DIP2B: variants seen among roughly 807,000 people sequenced by gnomAD.
The protein encoded by DIP2B is disco-interacting protein 2 homolog B.
In DIP2B, 76 loss-of-function variants were observed where a neutral mutation model predicts 198.0. The ratio of observed to expected loss-of-function variants is 0.38; its 90% CI spans 0.32 to 0.46. The LOEUF is 0.46. Among genes scored for constraint, DIP2B ranks in the 20% least tolerant of loss-of-function variants. The pLI, the probability that DIP2B is intolerant of heterozygous loss-of-function variation, is 0.99. For missense variants in DIP2B, 1,559 were observed against 1,978.4 expected (o/e 0.79, Z 4.02); for synonymous variants, 701 against 739.1 (o/e 0.95, Z 0.84).
intron 1 of DIP2B, among the ~76,000 whole-genome samples, chr12:50,531,325 G>A (rs1196489782): frequency 1.3e-5 from 2 of 152,062 alleles, no homozygotes; most frequent in African/African-American, 4.8e-5. Flanking sequence ...TGGGATTATA[G>A]GTGTGAGCCG....
chr12:50,630,762 C>T (rs1051018433), intron 2 of DIP2B, among the ~76,000 whole-genome samples: 8 of 149,942 alleles, frequency 5.3e-5, no homozygotes, highest in Middle Eastern at 3.5e-3. Context: ...ACCTCCGCCT[C>T]CCCAGTTCAA....
intron 23 of DIP2B, among the ~76,000 whole-genome samples, chr12:50,718,450 C>T (rs1027600802): frequency 3.9e-5 from 6 of 152,176 alleles, no homozygotes; most frequent in African/African-American, 1.4e-4. Flanking sequence ...CCTGTCCCTC[C>T]TGTTTTCTTG....
At chr12:50,527,085 GA>G (rs1958173314) in intron 1 of DIP2B, among the ~76,000 whole-genome samples, 1 of 152,250 alleles carries the variant, frequency 6.6e-6, no homozygotes, top group African/African-American at 2.4e-5. Flanking sequence ...GAAAAAAACT[GA>G]ATATTTCACA....
chr12:50,705,678 T>G (rs770311575), intron 20 of DIP2B, among the ~76,000 whole-genome samples: 3 of 152,270 alleles, frequency 2.0e-5, no homozygotes, highest in Non-Finnish European at 4.4e-5. Flanking sequence ...TGTCTCATTC[T>G]CTTACCAACA....
At chr12:50,725,341 C>A (rs1422172493) in intron 28 of DIP2B, among the ~76,000 whole-genome samples, 1 of 152,054 alleles carries the variant, frequency 6.6e-6, no homozygotes, top group Non-Finnish European at 1.5e-5. Flanking sequence ...TACTGCCTAC[C>A]CCTGCCTGAC....
rs752301034 is a variant in DIP2B, at chr12:50,692,956, A to G, written c.1662A>G (p.Thr554=). The change falls in exon 14 of 38, where the codon ACA becomes ACG. Residue 554 remains threonine, a synonymous_variant. Coordinates refer to ENST00000301180, the MANE Select transcript of DIP2B (RefSeq NM_173602.3). ...CTATTTTTTCTATTTTAGGGGAAACAATAGTAAATGTCTTAGACTTTAAGA... is the reference window on the plus strand; with the variant it reads ...CTATTTTTTCTATTTTAGGGGAAACGATAGTAAATGTCTTAGACTTTAAGA... The part of the protein sequence containing the change: ...SQACNYSEGE[T]IVNVLDFKKD... 6.2e-7 allele frequency: 1 copy of G among 1,608,498 alleles called. No homozygotes were observed. The highest frequency in any genetic ancestry group is 8.5e-7 in the Non-Finnish European group (1 of 1,178,694).
At chr12:50,623,425 ACACACACACACACT>A (rs1297912964) in intron 1 of DIP2B, among the ~76,000 whole-genome samples, 730 of 52,806 alleles carry the variant, frequency 0.014, 1 homozygote, top group Non-Finnish European at 0.022. Context: ...ACACACACAC[ACACACACACACACT>A]CTCTCTCTCT....
At chr12:50,647,279 C>T (rs12231309) in intron 3 of DIP2B, among the ~76,000 whole-genome samples, 43,722 of 151,802 alleles carry the variant, frequency 0.29, 6,560 homozygotes, top group East Asian at 0.43. Context: ...TTTTCTCCCC[C>T]CCGCCCAAAA....
chr12:50,584,667 G>A (rs1374866080), intron 1 of DIP2B, among the ~76,000 whole-genome samples: 4 of 152,110 alleles, frequency 2.6e-5, no homozygotes, highest in South Asian at 2.1e-4. Context: ...GGGTTCAAGC[G>A]ATTCTCCTGC....
rs565156547 is a variant in DIP2B, at chr12:50,510,123, A to T, written c.100+4883A>T. ...ATCAAGTAGAGAAAAGCTGGTTAAT[A>T]TTCTTTTAGAACCCAAACTAGTTGT... On this transcript the variant is annotated intron_variant, in intron 1 of 37. Coordinates refer to ENST00000301180, the MANE Select transcript of DIP2B (RefSeq NM_173602.3). Among the ~76,000 whole-genome samples, 20 of 152,322 alleles carry T rather than the reference A, an allele frequency of 1.3e-4. No homozygotes were observed. In the South Asian group the frequency reaches 3.7e-3, roughly 28 times the overall value.
At chr12:50,711,548 TTTTGTTTG>T (rs890885230) in intron 22 of DIP2B, among the ~76,000 whole-genome samples, 2 of 152,074 alleles carry the variant, frequency 1.3e-5, no homozygotes, top group East Asian at 3.9e-4. Context: ...CCTTTTAAAT[TTTTGTTTG>T]TTTGTTTGTT....
At chr12:50,547,596 T>C (rs1375169290) in intron 1 of DIP2B, among the ~76,000 whole-genome samples, 1 of 152,182 alleles carries the variant, frequency 6.6e-6, no homozygotes, top group African/African-American at 2.4e-5. Flanking sequence ...GGGGGCAGAG[T>C]GTATGAGAGA....
At chr12:50,700,237 A>C (rs1249066945) in intron 19 of DIP2B, among the ~76,000 whole-genome samples, 1 of 152,218 alleles carries the variant, frequency 6.6e-6, no homozygotes, top group African/African-American at 2.4e-5. Context: ...GCACTTCTGC[A>C]TGCGAAGCCA....
At position 50,723,197 on chromosome 12, in the gene DIP2B, T is replaced by TG; in HGVS notation, c.3167-4dup. The TG allele has an allele frequency of 6.2e-7, 1 of 1,614,096 alleles. No individual in the cohort carries two copies. Among genetic ancestry groups the TG allele is most frequent in the East Asian group, 2.2e-5 (1 of 44,882 alleles). Reference sequence around the variant, plus strand: ...ACTCTCCTGACAGGGTCCTTTGTCTTGCAGGCATTGAGTTAATCGCCGCCT... The same window carrying TG: ...ACTCTCCTGACAGGGTCCTTTGTCTTGGCAGGCATTGAGTTAATCGCCGCCT... On this transcript the variant is annotated splice_region_variant and splice_polypyrimidine_tract_variant and intron_variant, in intron 26 of 37. Coordinates refer to ENST00000301180, the MANE Select transcript of DIP2B (RefSeq NM_173602.3).
At chr12:50,644,748 A>G (rs893199237) in intron 3 of DIP2B, among the ~76,000 whole-genome samples, 35 of 152,246 alleles carry the variant, frequency 2.3e-4, no homozygotes, top group African/African-American at 8.2e-4. Context: ...TGCCTGTGAC[A>G]GGGAAAAACA....
chr12:50,506,543 C>T, intron 1 of DIP2B, among the ~76,000 whole-genome samples: 1 of 152,032 alleles, frequency 6.6e-6, no homozygotes, highest in East Asian at 1.9e-4. Context: ...CTGTTTTTAC[C>T]TGTACTTAAC....
chr12:50,540,759 G>A lies in DIP2B; in HGVS notation c.100+35519G>A, dbSNP rs1013469567. On this transcript the variant is annotated intron_variant, in intron 1 of 37. Coordinates refer to ENST00000301180, the MANE Select transcript of DIP2B (RefSeq NM_173602.3). ...AGAGACGGGGTTTCACCGTGGTCTC[G>A]ATCTCCTGACCTCGTGATCCGCCCG... 5.2e-4 allele frequency among the ~76,000 whole-genome samples: 79 copies of A among 150,906 alleles called. No individual in the cohort carries two copies. The Middle Eastern group carries it at 0.017, about 33-fold the overall frequency.
chr12:50,566,041 TTTTTC>T (rs1593614006), intron 1 of DIP2B, among the ~76,000 whole-genome samples: 1 of 152,258 alleles, frequency 6.6e-6, no homozygotes, highest in East Asian at 1.9e-4. Flanking sequence ...TCGACAGTAC[TTTTTC>T]TTTTCTTTTT....
At chr12:50,696,715 C>T (rs961401970) in intron 16 of DIP2B, among the ~76,000 whole-genome samples, 1 of 152,214 alleles carries the variant, frequency 6.6e-6, no homozygotes, top group Non-Finnish European at 1.5e-5. Context: ...TTAAATTGCA[C>T]TGGCTATGAC....
Sources: allele counts gnomAD v4.1 joint callset (sites outside exome capture counted in the v4.1 genomes callset), GRCh38; gene constraint gnomAD v4.1.1; transcripts MANE v1.5; gene names NCBI Gene and HGNC (gene_info 2026-07-23, HGNC 2026-07-21).